Variants in RPRD1B observed in about 807,000 individuals in gnomAD.
RPRD1B encodes regulation of nuclear pre-mRNA domain-containing protein 1B.
Under a neutral mutation model 41.5 loss-of-function variants are expected in RPRD1B, and 11 were observed. That is an observed-to-expected ratio of 0.27 (90% CI 0.17 to 0.44). RPRD1B has a LOEUF of 0.44. RPRD1B is among the 20% of genes least tolerant of loss of function. RPRD1B has a pLI of 1.00. For synonymous variants in RPRD1B, 158 were observed against 155.6 expected, an observed-to-expected ratio of 1.02 and a Z score of -0.12; for missense variants, 248 against 389.9, an observed-to-expected ratio of 0.64 and a Z score of 3.06.
intron 5 of RPRD1B, 96 bp downstream of exon 5, chr20:38,059,616 A>G (rs1348934259): frequency 6.7e-6 from 8 of 1,187,852 alleles, no homozygotes; most frequent in African/African-American, 1.6e-5. Flanking sequence ...GGTATAGACT[A>G]CTTTCCATGT....
intron 3 of RPRD1B, among the ~76,000 whole-genome samples, chr20:38,051,706 G>T (rs1301152419): frequency 2.0e-5 from 3 of 152,178 alleles, no homozygotes; most frequent in Admixed American, 6.5e-5. Flanking sequence ...AGCTTTCCTG[G>T]ATCTTAATAT....
chr20:38,082,695 T>G (rs1056200902), intron 6 of RPRD1B, among the ~76,000 whole-genome samples: 1 of 152,230 alleles, frequency 6.6e-6, no homozygotes, highest in Non-Finnish European at 1.5e-5. Context: ...CCTGAACTTG[T>G]ATTTTCTGAC....
intron 5 of RPRD1B, among the ~76,000 whole-genome samples, chr20:38,062,038 G>A (rs1468360244): frequency 6.6e-6 from 1 of 152,172 alleles, no homozygotes; most frequent in Non-Finnish European, 1.5e-5. Flanking sequence ...GTGGGAGAGG[G>A]GGAATGAGAA....
chr20:38,080,283 T>C (rs991490118), intron 6 of RPRD1B, among the ~76,000 whole-genome samples: 4 of 152,242 alleles, frequency 2.6e-5, no homozygotes, highest in African/African-American at 4.8e-5. Flanking sequence ...CCAGGGCCGG[T>C]GTCCGGCATG....
intron 4 of RPRD1B, 140 bp downstream of exon 4, chr20:38,057,784 G>T: frequency 3.5e-6 from 2 of 577,496 alleles, no homozygotes; most frequent in Non-Finnish European, 6.3e-6. Context: ...GCATCATCCT[G>T]CCCAAAGGAG....
intron 6 of RPRD1B, among the ~76,000 whole-genome samples, chr20:38,076,686 C>T (rs1236646609): frequency 6.9e-6 from 1 of 144,204 alleles, no homozygotes; most frequent in Non-Finnish European, 1.5e-5. Context: ...GGTCTAATCT[C>T]AAAACCCAAA....
At chr20:38,054,883 G>A (rs1157138805) in intron 3 of RPRD1B, among the ~76,000 whole-genome samples, 2 of 152,188 alleles carry the variant, frequency 1.3e-5, no homozygotes, top group Admixed American at 6.5e-5. Context: ...TGATGCCACA[G>A]TGGCTAAGTG....
intron 6 of RPRD1B, among the ~76,000 whole-genome samples, chr20:38,075,762 A>C (rs1049322934): frequency 1.3e-5 from 2 of 152,264 alleles, no homozygotes; most frequent in Non-Finnish European, 2.9e-5. Context: ...GGTTATAATC[A>C]GGAGTCAAGT....
intron 3 of RPRD1B, among the ~76,000 whole-genome samples, chr20:38,056,768 T>C (rs1285669094): frequency 1.3e-5 from 2 of 152,270 alleles, no homozygotes; most frequent in African/African-American, 2.4e-5. Context: ...AGGCACAGGC[T>C]GTGTCCAATA....
chr20:38,042,297 T>C (rs1016829632), intron 2 of RPRD1B, among the ~76,000 whole-genome samples: 1 of 152,090 alleles, frequency 6.6e-6, no homozygotes, highest in Admixed American at 6.5e-5. Context: ...AAAGCTGTAG[T>C]GAGCTATAAT....
chr20:38,056,189 C>T (rs530068131), intron 3 of RPRD1B, among the ~76,000 whole-genome samples: 1 of 152,126 alleles, frequency 6.6e-6, no homozygotes, highest in South Asian at 2.1e-4. Flanking sequence ...GAGTTCGAGA[C>T]CAGCCTGGCC....
At chr20:38,073,829 A>C (rs1199673684) in intron 6 of RPRD1B, among the ~76,000 whole-genome samples, 6 of 152,214 alleles carry the variant, frequency 3.9e-5, no homozygotes, top group Admixed American at 2.6e-4. Flanking sequence ...GAAGCCAGTG[A>C]GGACCAGTAC....
chr20:38,075,994 C>G (rs996473528), intron 6 of RPRD1B, among the ~76,000 whole-genome samples: 1 of 152,216 alleles, frequency 6.6e-6, no homozygotes, highest in Non-Finnish European at 1.5e-5. Context: ...ACAATAACTT[C>G]GCAAACTTCA....
Position 38,066,236 on chromosome 20 carries a change from GAGA to G in RPRD1B, c.814_816del (p.Lys272del). On this transcript the variant is annotated inframe_deletion, in exon 6 of 7. Coordinates refer to ENST00000373433, the MANE Select transcript of RPRD1B (RefSeq NM_021215.4). The stretch of plus-strand genomic sequence containing the variant: ...CCAGAATCAGAAAGATGTTTTGTCG[GAGA>G]AGGAGAAAAAACTAGAGGTGAGTGC... 2 of 1,614,144 alleles carry G rather than the reference GAGA, an allele frequency of 1.2e-6. No homozygotes were observed. The highest frequency in any genetic ancestry group is 1.7e-5 in the Admixed American group (1 of 60,016).
At chr20:38,077,930 C>T (rs1040940715) in intron 6 of RPRD1B, among the ~76,000 whole-genome samples, 1 of 152,148 alleles carries the variant, frequency 6.6e-6, no homozygotes, top group Non-Finnish European at 1.5e-5. Context: ...AATCCCAGCA[C>T]TTTGGGAGGC....
At chr20:38,081,969 A>T (rs2074516462) in intron 6 of RPRD1B, among the ~76,000 whole-genome samples, 1 of 152,106 alleles carries the variant, frequency 6.6e-6, no homozygotes, top group African/African-American at 2.4e-5. Context: ...CTAGTATTTC[A>T]TTTATTTTTA....
intron 2 of RPRD1B, among the ~76,000 whole-genome samples, chr20:38,047,955 A>G (rs988642313): frequency 2.0e-5 from 3 of 152,182 alleles, no homozygotes; most frequent in African/African-American, 4.8e-5. Context: ...TGTTTTAAAC[A>G]TCTGGTTTTT....
chr20:38,068,561 G>C (rs1287469565), intron 6 of RPRD1B, among the ~76,000 whole-genome samples: 1 of 152,092 alleles, frequency 6.6e-6, no homozygotes, highest in Non-Finnish European at 1.5e-5. Context: ...ACCACGCCCG[G>C]CTAATTTTTT....
chr20:38,040,378 T>C, intron 1 of RPRD1B, 57 bp from the exon 2 acceptor site: 2 of 1,446,736 alleles, frequency 1.4e-6, no homozygotes, highest in Non-Finnish European at 1.9e-6. Context: ...GGCAAAAGAA[T>C]TGTGAATTGA....
Sources: gnomAD v4.1 joint callset for allele counts (sites outside exome capture counted in the v4.1 genomes callset) on GRCh38, gnomAD v4.1.1 for gene constraint, MANE v1.5 for transcripts, NCBI Gene and HGNC (gene_info 2026-07-23, HGNC 2026-07-21) for gene names.